ARHGEF7: variants seen among roughly 807,000 people sequenced by gnomAD.
ARHGEF7 encodes PAK-interacting exchange factor beta.
Under a neutral mutation model 109.8 loss-of-function variants are expected in ARHGEF7, and 33 were observed. The ratio of observed to expected loss-of-function variants is 0.30; its 90% CI spans 0.23 to 0.40. The LOEUF is 0.40. ARHGEF7 is among the 10% of genes least tolerant of loss of function. The pLI is 1.00. For missense variants in ARHGEF7, 938 were observed against 1,098.5 expected, an observed-to-expected ratio of 0.85 and a Z score of 2.07; for synonymous variants, 458 against 424.6, an observed-to-expected ratio of 1.08 and a Z score of -0.97.
At chr13:111,257,522 G>C (rs1284152057) in intron 8 of ARHGEF7, among the ~76,000 whole-genome samples, 2 of 152,228 alleles carry the variant, frequency 1.3e-5, no homozygotes, top group Non-Finnish European at 2.9e-5. Context: ...AGGAGGTGGA[G>C]CAAGATAGCC....
Position 111,134,441 on chromosome 13 carries a change from C to G in ARHGEF7, c.165+18750C>G, listed in dbSNP as rs529513045. Among the ~76,000 whole-genome samples, 6 of 152,312 alleles carry G rather than the reference C, an allele frequency of 3.9e-5. No individual in the cohort carries two copies. In the East Asian group the frequency reaches 1.2e-3, roughly 29 times the overall value. Reference sequence around the variant, plus strand: ...AAAAGTGTTCCTATTTCTCCACATCCTCTCCAGCACCTGTTGTTTCCTGAC... The same window carrying G: ...AAAAGTGTTCCTATTTCTCCACATCGTCTCCAGCACCTGTTGTTTCCTGAC... On this transcript the variant is annotated intron_variant, in intron 1 of 21. Coordinates refer to ENST00000646102, the MANE Select transcript of ARHGEF7 (RefSeq NM_001354046.2).
At position 111,276,734 on chromosome 13, in the gene ARHGEF7, C is replaced by T. The variant is rs576231337; in HGVS notation, c.1420-853C>T. ...GAATATAGCAAGTCGTTCTCAGTGA[C>T]TTCTTTAAAGTACGGAAGACTCTTT... On this transcript the variant is annotated intron_variant, in intron 12 of 21. Coordinates refer to ENST00000646102, the MANE Select transcript of ARHGEF7 (RefSeq NM_001354046.2). Among the ~76,000 whole-genome samples, 27 of 152,300 alleles carry T rather than the reference C, an allele frequency of 1.8e-4. No individual in the cohort carries two copies. The East Asian group carries it at 4.8e-3, about 27-fold the overall frequency.
chr13:111,266,053 C>T lies in ARHGEF7; in HGVS notation c.951-1495C>T, dbSNP rs920938897. Among the ~76,000 whole-genome samples, 2 of 152,138 alleles carry T rather than the reference C, an allele frequency of 1.3e-5. No homozygotes were observed. Among genetic ancestry groups the T allele is most frequent in the East Asian group, 1.9e-4 (1 of 5,190 alleles). ...CAGCCACCTTTGTGTTGGATGCTGA[C>T]GTCTTTCATTTTTTTTTGCATTCCT... On this transcript the variant is annotated intron_variant, in intron 8 of 21. Coordinates refer to ENST00000646102, the MANE Select transcript of ARHGEF7 (RefSeq NM_001354046.2). The surrounding 1 kb of genome is among the most constrained non-coding windows in gnomAD (Gnocchi z 4.8).
chr13:111,261,045 T>C lies in ARHGEF7; in HGVS notation c.951-6503T>C, dbSNP rs1368762330. Among the ~76,000 whole-genome samples the C allele has an allele frequency of 3.9e-5, 6 of 151,900 alleles. No homozygotes were observed. The East Asian group carries it at 1.2e-3, about 29-fold the overall frequency. On this transcript the variant is annotated intron_variant, in intron 8 of 21. Coordinates refer to ENST00000646102, the MANE Select transcript of ARHGEF7 (RefSeq NM_001354046.2). The stretch of plus-strand genomic sequence containing the variant: ...ACATAAAACCAGAGAGAATCACCTT[T>C]ACTAAAAGGAAGACAGGAAGGAAAA...
chr13:111,251,945 T>C (rs2089836395), intron 8 of ARHGEF7, among the ~76,000 whole-genome samples: 1 of 152,242 alleles, frequency 6.6e-6, no homozygotes, highest in African/African-American at 2.4e-5. Context: ...TATGACTTTT[T>C]CCAAGCATTC....
chr13:111,120,920 T>C lies in ARHGEF7; in HGVS notation c.165+5229T>C, dbSNP rs75989273. Among the ~76,000 whole-genome samples the C allele has an allele frequency of 3.6e-3, 541 of 152,262 alleles. 4 individuals carry two copies. Among genetic ancestry groups the C allele is most frequent in the Middle Eastern group, 6.8e-3 (2 of 294 alleles). ...CAGCTCAAGACTGTGAGCTTTCTCA[T>C]GGAAAACAAGACTGATTCTGCCACC... On this transcript the variant is annotated intron_variant, in intron 1 of 21. Transcript: ENST00000646102.
chr13:111,172,554 A>G (rs2077704214), intron 2 of ARHGEF7, among the ~76,000 whole-genome samples: 1 of 152,222 alleles, frequency 6.6e-6, no homozygotes, highest in Admixed American at 6.5e-5. Flanking sequence ...ACTTTTTGGG[A>G]ACCATTTCCT....
intron 8 of ARHGEF7, among the ~76,000 whole-genome samples, chr13:111,259,713 C>T (rs185565855): frequency 1.6e-4 from 24 of 152,190 alleles, no homozygotes; most frequent in Admixed American, 1.3e-4. Context: ...CGCCCAGTGC[C>T]CAGACACTGA....
intron 1 of ARHGEF7, among the ~76,000 whole-genome samples, chr13:111,147,953 T>C (rs1334541622): frequency 6.6e-6 from 1 of 152,114 alleles, no homozygotes; most frequent in East Asian, 1.9e-4. Context: ...CGCCTCGGCC[T>C]CCCAAAGTGC....
rs1439607358 is a variant in ARHGEF7, at chr13:111,305,130, T to C, written c.*2017T>C. 6.6e-6 allele frequency: 1 copy of C among 152,250 alleles called. No homozygotes were observed. The highest frequency in any genetic ancestry group is 6.5e-5 in the Admixed American group (1 of 15,286). 9.4% of individuals were successfully genotyped at this position (152,250 alleles called of 1,614,324 possible). ...AAGTATTTCACAAGAATACTTGTGT[T>C]TTTAACAGCCCTTCCCCTGGACGGT... On this transcript the variant is annotated 3_prime_UTR_variant, in exon 22 of 22. Transcript: ENST00000646102.
At chr13:111,125,418 A>G (rs1042653864) in intron 1 of ARHGEF7, among the ~76,000 whole-genome samples, 2 of 144,876 alleles carry the variant, frequency 1.4e-5, no homozygotes, top group Admixed American at 7.0e-5. Flanking sequence ...TGATCATCCT[A>G]TCTTTTCTCT....
chr13:111,161,183 A>G (rs970466860), intron 2 of ARHGEF7, among the ~76,000 whole-genome samples: 3 of 152,214 alleles, frequency 2.0e-5, no homozygotes, highest in Non-Finnish European at 4.4e-5. Flanking sequence ...CATGATGCTG[A>G]GTAGCACAGA....
chr13:111,166,932 G>C (rs1374297922), intron 2 of ARHGEF7, among the ~76,000 whole-genome samples: 1 of 152,166 alleles, frequency 6.6e-6, no homozygotes, highest in Non-Finnish European at 1.5e-5. Context: ...GCTGTGGGGA[G>C]GAGGACATCC....
chr13:111,295,189 G>GC (rs2093400190), intron 19 of ARHGEF7: 1 of 985,612 alleles, frequency 1.0e-6, no homozygotes, highest in East Asian at 1.1e-4. Flanking sequence ...TTTTGCATTT[G>GC]CTAGCCCGTG....
chr13:111,139,024 C>G (rs2075220812), intron 1 of ARHGEF7, among the ~76,000 whole-genome samples: 1 of 152,028 alleles, frequency 6.6e-6, no homozygotes, highest in Non-Finnish European at 1.5e-5. Flanking sequence ...GACAGGTTCT[C>G]TGGAAACAAA....
intron 2 of ARHGEF7, among the ~76,000 whole-genome samples, chr13:111,198,556 T>A (rs2080841762): frequency 6.6e-6 from 1 of 152,168 alleles, no homozygotes; most frequent in African/African-American, 2.4e-5. Context: ...CAGTGGGTGT[T>A]ACAGCTCTTA....
chr13:111,166,598 T>G (rs1284930462), intron 2 of ARHGEF7, among the ~76,000 whole-genome samples: 1 of 151,966 alleles, frequency 6.6e-6, no homozygotes, highest in Non-Finnish European at 1.5e-5. Flanking sequence ...AGGGTAGAGA[T>G]GAGATGATTT....
intron 2 of ARHGEF7, among the ~76,000 whole-genome samples, chr13:111,184,190 C>T (rs1011936903): frequency 2.0e-5 from 3 of 152,176 alleles, no homozygotes; most frequent in South Asian, 2.1e-4. Flanking sequence ...CATTCTCTCT[C>T]GTTGTCCTGT....
intron 2 of ARHGEF7, among the ~76,000 whole-genome samples, chr13:111,202,131 A>T (rs1050462594): frequency 2.6e-5 from 4 of 152,238 alleles, no homozygotes; most frequent in African/African-American, 7.2e-5. Flanking sequence ...ACGCTTTTTC[A>T]AATGGATAGA....
Sources: allele counts gnomAD v4.1 joint callset (sites outside exome capture counted in the v4.1 genomes callset), GRCh38; gene constraint gnomAD v4.1.1; non-coding constraint Gnocchi (gnomAD v3.1); transcripts MANE v1.5; gene names NCBI Gene and HGNC (gene_info 2026-07-23, HGNC 2026-07-21).